ANO2: variants seen among roughly 807,000 people sequenced by gnomAD.
The protein encoded by ANO2 is anoctamin 2.
A neutral mutation model predicts 124.2 loss-of-function variants in ANO2; 101 were observed. That is an observed-to-expected ratio of 0.81 (90% CI 0.69 to 0.96). ANO2 has a LOEUF of 0.96. Among genes scored for constraint, ANO2 ranks in the 40% least tolerant of loss-of-function variants. ANO2 has a pLI of 0.00. For missense variants in ANO2, 1,293 were observed against 1,274.5 expected, an observed-to-expected ratio of 1.01 and a Z score of -0.22; for synonymous variants, 486 against 482.5, an observed-to-expected ratio of 1.01 and a Z score of -0.09.
intron 14 of ANO2, among the ~76,000 whole-genome samples, chr12:5,721,410 T>C (rs1950229935): frequency 6.6e-6 from 1 of 152,232 alleles, no homozygotes; most frequent in Non-Finnish European, 1.5e-5. Flanking sequence ...AAACTCACTA[T>C]TTATCTTTTT....
At chr12:5,797,175 T>C (rs1259622798) in intron 10 of ANO2, among the ~76,000 whole-genome samples, 1 of 152,108 alleles carries the variant, frequency 6.6e-6, no homozygotes, top group East Asian at 1.9e-4. Context: ...AAAACTGTCA[T>C]GGTGTGGGGC....
intron 4 of ANO2, among the ~76,000 whole-genome samples, chr12:5,845,478 A>G (rs527845928): frequency 1.1e-4 from 16 of 151,334 alleles, no homozygotes; most frequent in Non-Finnish European, 1.8e-4. Context: ...GAGGCCGGAG[A>G]ATGGCATCAA....
At chr12:5,786,798 G>A (rs1447383259) in intron 10 of ANO2, among the ~76,000 whole-genome samples, 1 of 152,164 alleles carries the variant, frequency 6.6e-6, no homozygotes, top group African/African-American at 2.4e-5. Context: ...TGGGATTTGG[G>A]GCAAGTGACT....
intron 3 of ANO2, among the ~76,000 whole-genome samples, chr12:5,919,792 G>A (rs1456206668): frequency 6.6e-6 from 1 of 152,042 alleles, no homozygotes; most frequent in Non-Finnish European, 1.5e-5. Context: ...CTGCCTCCCA[G>A]GTTCATGCCA....
At chr12:5,850,999 A>G (rs887217847) in intron 4 of ANO2, among the ~76,000 whole-genome samples, 1 of 152,036 alleles carries the variant, frequency 6.6e-6, no homozygotes, top group African/African-American at 2.4e-5. Context: ...GCTCTGAGAG[A>G]TGGGATGACG....
At position 5,725,120 on chromosome 12, in the gene ANO2, C is replaced by CAT. The variant is rs1309652016; in HGVS notation, c.1545+7399_1545+7400insAT. Among the ~76,000 whole-genome samples the CAT allele has an allele frequency of 2.0e-4, 30 of 149,966 alleles. 1 individual carries two copies. Among genetic ancestry groups the CAT allele is most frequent in the African/African-American group, 7.2e-4 (29 of 40,260 alleles). On this transcript the variant is annotated intron_variant, in intron 14 of 24. Coordinates refer to ENST00000682330, the MANE Select transcript of ANO2 (RefSeq NM_001364791.2). Reference sequence around the variant, plus strand: ...TCTCACACACACACACACACACACACACACGCAAACACAATCTCACACCAC... The same window carrying CAT: ...TCTCACACACACACACACACACACACATACACGCAAACACAATCTCACACCAC...
chr12:5,892,745 G>A (rs1462901330), intron 3 of ANO2, among the ~76,000 whole-genome samples: 1 of 152,122 alleles, frequency 6.6e-6, no homozygotes, highest in Non-Finnish European at 1.5e-5. Context: ...GTAATTTATT[G>A]CCAACAGACT....
At chr12:5,848,194 T>C (rs180684054) in intron 4 of ANO2, among the ~76,000 whole-genome samples, 1 of 152,284 alleles carries the variant, frequency 6.6e-6, no homozygotes, top group Non-Finnish European at 1.5e-5. Flanking sequence ...CAGGAAAAAT[T>C]TGCCTCCTTT....
At chr12:5,942,094 C>CCG (rs898157173) in intron 1 of ANO2, among the ~76,000 whole-genome samples, 24 of 152,128 alleles carry the variant, frequency 1.6e-4, no homozygotes, top group Non-Finnish European at 2.8e-4. Flanking sequence ...TGATGGAGTG[C>CCG]CGCGTATCCC....
intron 4 of ANO2, among the ~76,000 whole-genome samples, chr12:5,835,168 G>A (rs1266729896): frequency 6.6e-6 from 1 of 152,148 alleles, no homozygotes; most frequent in Non-Finnish European, 1.5e-5. Context: ...AGATATTCTA[G>A]GCAAACAAAA....
At chr12:5,903,132 C>G (rs78145375) in intron 3 of ANO2, among the ~76,000 whole-genome samples, 1,766 of 151,782 alleles carry the variant, frequency 0.012, 42 homozygotes, top group African/African-American at 0.041. Flanking sequence ...CGGACAATTG[C>G]GCAGTGTTGA....
At chr12:5,946,047 C>G, upstream of ANO2, 1 of 1,388,968 alleles carries the variant, frequency 7.2e-7, no homozygotes, top group Non-Finnish European at 1.0e-6. The surrounding 1 kb of genome is among the most constrained non-coding windows in gnomAD (Gnocchi z 4.1). Flanking sequence ...ATGGAATCTG[C>G]AACTCCAAGA....
intron 9 of ANO2, among the ~76,000 whole-genome samples, chr12:5,805,276 G>C (rs1017566799): frequency 6.6e-6 from 1 of 152,148 alleles, no homozygotes; most frequent in African/African-American, 2.4e-5. Flanking sequence ...CAACAGAGTG[G>C]GGGAGGGAAG....
chr12:5,937,444 T>C (rs73259012), intron 1 of ANO2, among the ~76,000 whole-genome samples: 14,838 of 136,958 alleles, frequency 0.11, 1,160 homozygotes, highest in African/African-American at 0.22. Flanking sequence ...GAGTTCCTTA[T>C]ATATTGTGAA....
chr12:5,927,888 G>A (rs1318840725), intron 1 of ANO2, among the ~76,000 whole-genome samples: 2 of 152,208 alleles, frequency 1.3e-5, no homozygotes, highest in African/African-American at 4.8e-5. Context: ...CATAGGCCGA[G>A]AGCTAGAAAG....
At chr12:5,922,905 G>A in intron 1 of ANO2, 101 bp from the exon 2 acceptor site, 5 of 1,237,742 alleles carry the variant, frequency 4.0e-6, no homozygotes, top group Non-Finnish European at 5.3e-6. Context: ...TGAGAAAATG[G>A]CCCATTTTGC....
At chr12:5,595,442 T>A (rs1287130228) in intron 20 of ANO2, among the ~76,000 whole-genome samples, 1 of 151,990 alleles carries the variant, frequency 6.6e-6, no homozygotes, top group African/African-American at 2.4e-5. Flanking sequence ...AGGCTCATCT[T>A]GAGCTCCTGG....
At chr12:5,926,964 T>G (rs757588690) in intron 1 of ANO2, among the ~76,000 whole-genome samples, 2 of 152,220 alleles carry the variant, frequency 1.3e-5, no homozygotes, top group African/African-American at 4.8e-5. Flanking sequence ...GAGAAAAGAT[T>G]AACATTCCTT....
At chr12:5,809,315 T>G (rs1953309218) in intron 7 of ANO2, among the ~76,000 whole-genome samples, 1 of 150,808 alleles carries the variant, frequency 6.6e-6, no homozygotes, top group African/African-American at 2.5e-5. Context: ...TTGTGGGAGT[T>G]TGTAGTTAAA....
Sources: allele counts gnomAD v4.1 joint callset (sites outside exome capture counted in the v4.1 genomes callset), GRCh38; gene constraint gnomAD v4.1.1; non-coding constraint Gnocchi (gnomAD v3.1); transcripts MANE v1.5; gene names NCBI Gene and HGNC (gene_info 2026-07-23, HGNC 2026-07-21).